LEKR1: variants seen among roughly 807,000 people sequenced by gnomAD.
LEKR1 encodes leucine, glutamate and lysine rich 1.
Under a neutral mutation model 72.4 loss-of-function variants are expected in LEKR1, and 59 were observed. The ratio of observed to expected loss-of-function variants is 0.82; its 90% confidence interval spans 0.66 to 1.01. The LOEUF is 1.01. Ranked by LOEUF, LEKR1 falls within the 50% of genes least tolerant of loss-of-function variation. The probability of loss-of-function intolerance (pLI) is 0.00; values close to 1 mark genes in which losing one functional copy is unlikely to be tolerated. For synonymous variants in LEKR1, 257 were observed against 263.2 expected (o/e 0.98, Z 0.23); for missense variants, 728 against 759.2 (o/e 0.96, Z 0.48).
intron 6 of LEKR1, among the ~76,000 whole-genome samples, chr3:156,946,673 T>A (rs546960019): frequency 6.6e-6 from 1 of 151,440 alleles, no homozygotes; most frequent in East Asian, 1.9e-4. Context: ...ATATCAAACG[T>A]TTTTTCAGAA....
intron 6 of LEKR1, among the ~76,000 whole-genome samples, chr3:156,964,863 A>C (rs1728432024): frequency 6.6e-6 from 1 of 152,192 alleles, no homozygotes; most frequent in Admixed American, 6.5e-5. Flanking sequence ...TTTTAGACCT[A>C]AACTTCTCTT....
At chr3:156,974,678 A>G (rs1341857049) in intron 6 of LEKR1, among the ~76,000 whole-genome samples, 1 of 152,118 alleles carries the variant, frequency 6.6e-6, no homozygotes, top group Non-Finnish European at 1.5e-5. Context: ...AGTACAAAAC[A>G]TGCTATCATC....
At chr3:157,004,583 A>G (rs1732268290) in intron 9 of LEKR1, among the ~76,000 whole-genome samples, 1 of 152,144 alleles carries the variant, frequency 6.6e-6, no homozygotes, top group African/African-American at 2.4e-5. Context: ...CATGAAATAA[A>G]ACCAAAGAAA....
At chr3:156,927,828 G>T (rs1177900935) in intron 5 of LEKR1, among the ~76,000 whole-genome samples, 1 of 151,892 alleles carries the variant, frequency 6.6e-6, no homozygotes, top group South Asian at 2.1e-4. Flanking sequence ...GTGGCCAGAA[G>T]TCTGTTCATT....
At chr3:156,939,209 C>A (rs1424183961) in intron 5 of LEKR1, among the ~76,000 whole-genome samples, 1 of 152,022 alleles carries the variant, frequency 6.6e-6, no homozygotes, top group East Asian at 1.9e-4. Context: ...CAGGGTAGCC[C>A]CTAATCCAAT....
intron 10 of LEKR1, among the ~76,000 whole-genome samples, chr3:157,021,195 G>C (rs986331026): frequency 6.6e-6 from 1 of 152,018 alleles, no homozygotes; most frequent in African/African-American, 2.4e-5. Flanking sequence ...TGTCAGATGA[G>C]TAGGTTGTGA....
rs151289168 is a variant in LEKR1 at position 157,036,370 on chromosome 3, C to A, written c.1668+7968C>A. 4.4e-3 allele frequency among the ~76,000 whole-genome samples: 668 copies of A among 151,740 alleles called. 10 individuals are homozygous for A. Among genetic ancestry groups the A allele is most frequent in the African/African-American group, 0.015 (640 of 41,390 alleles). ...TCTCCTAGAAAGTAGAAGAAAAAAG[C>A]AAAAAGATGGAGAAAAGAAAAGAAA... is the stretch of plus-strand genomic sequence containing the variant. On this transcript the variant is annotated intron_variant, in intron 12 of 12. Transcript: ENST00000356539.
chr3:157,033,173 T>G (rs1179511355), intron 12 of LEKR1, among the ~76,000 whole-genome samples: 1 of 152,178 alleles, frequency 6.6e-6, no homozygotes, highest in Non-Finnish European at 1.5e-5. Flanking sequence ...TTAGGCCAAT[T>G]AACAACGCTA....
intron 7 of LEKR1, among the ~76,000 whole-genome samples, chr3:156,991,930 A>G (rs1024580726): frequency 1.3e-5 from 2 of 152,168 alleles, no homozygotes; most frequent in Admixed American, 6.5e-5. Flanking sequence ...GGATTCTGCT[A>G]TATTTCTCCA....
intron 7 of LEKR1, among the ~76,000 whole-genome samples, chr3:156,990,220 A>G (rs1335711260): frequency 1.3e-5 from 2 of 152,128 alleles, no homozygotes; most frequent in African/African-American, 4.8e-5. Context: ...CTATTAGATT[A>G]AGGATATGTA....
chr3:156,924,698 T>A, intron 4 of LEKR1: 1 of 417,926 alleles, frequency 2.4e-6, no homozygotes, highest in Non-Finnish European at 4.2e-6. Flanking sequence ...TGCTGTTTGT[T>A]AGAGGCCAAT....
intron 2 of LEKR1, among the ~76,000 whole-genome samples, chr3:156,843,046 C>T (rs951848392): frequency 1.3e-5 from 2 of 152,198 alleles, no homozygotes; most frequent in Admixed American, 1.3e-4. Context: ...TGACTCCTAC[C>T]TGTCCCTGAC....
intron 9 of LEKR1, among the ~76,000 whole-genome samples, chr3:157,005,636 A>T (rs1732364706): frequency 6.6e-6 from 1 of 152,168 alleles, no homozygotes; most frequent in Non-Finnish European, 1.5e-5. Flanking sequence ...TTATCATAAG[A>T]ATATAGGATT....
At chr3:156,973,701 A>T (rs1161526171) in intron 6 of LEKR1, among the ~76,000 whole-genome samples, 1 of 152,082 alleles carries the variant, frequency 6.6e-6, no homozygotes, top group Non-Finnish European at 1.5e-5. Context: ...ATTGGAATGG[A>T]TAGAAAAGAG....
chr3:156,935,309 G>C (rs995867948), intron 5 of LEKR1, among the ~76,000 whole-genome samples: 4 of 152,198 alleles, frequency 2.6e-5, no homozygotes, highest in African/African-American at 9.7e-5. Context: ...GAACACAACA[G>C]ATGGGGTGTG....
rs561356866 is a variant in LEKR1, at chr3:156,996,567, C to T, written c.1109+3290C>T. Among the ~76,000 whole-genome samples the T allele has an allele frequency of 5.9e-5, 9 of 152,206 alleles. No homozygotes were observed. In the South Asian group the frequency reaches 6.2e-4, roughly 11 times the overall value. On this transcript the variant is annotated intron_variant, in intron 9 of 12. Coordinates refer to ENST00000356539, the MANE Select transcript of LEKR1 (RefSeq NM_001004316.3). ...TAGAAAAATCATTCTGGATGCTGGA[C>T]GGAGAAGGTATTGGCAATGGGAGCA...
chr3:156,873,057 A>C (rs139407378), intron 3 of LEKR1, among the ~76,000 whole-genome samples: 1,579 of 151,996 alleles, frequency 0.01, 15 homozygotes, highest in Non-Finnish European at 0.015. Flanking sequence ...AACATATTGG[A>C]GTCTGTCTCA....
At chr3:156,878,855 C>T (rs545617965) in intron 3 of LEKR1, among the ~76,000 whole-genome samples, 29 of 152,216 alleles carry the variant, frequency 1.9e-4, no homozygotes, top group Admixed American at 6.5e-4. Context: ...ATAAGTCTCA[C>T]GAGATCTGAT....
At position 157,045,429 on chromosome 3, in the gene LEKR1, G is replaced by A; in HGVS notation, c.1758G>A (p.Leu586=). Residue 586 remains leucine, a synonymous_variant, in exon 13 of 13, where the codon CTG becomes CTA. Coordinates refer to ENST00000356539, the MANE Select transcript of LEKR1 (RefSeq NM_001004316.3). ...TGAGTCAAGCCAGAGAACAGCTCCT[G>A]GAGCTCAGTAAGCTTCGTGGAAGTT... ...EALSQAREQL[L]ELSKLRGSLP... is the part of the protein sequence containing the mutation. 6.2e-7 allele frequency: 1 copy of A among 1,614,076 alleles called. No individual in the cohort carries two copies. The highest frequency in any genetic ancestry group is 8.5e-7 in the Non-Finnish European group (1 of 1,179,992).
Sources: gnomAD v4.1 joint callset for allele counts (sites outside exome capture counted in the v4.1 genomes callset) on GRCh38, gnomAD v4.1.1 for gene constraint, MANE v1.5 for transcripts, NCBI Gene and HGNC (gene_info 2026-07-23, HGNC 2026-07-21) for gene names.